CACNA2D3: variants seen among roughly 807,000 people sequenced by gnomAD.
The protein encoded by CACNA2D3 is calcium voltage-gated channel auxiliary subunit alpha2delta 3, also known as voltage-dependent calcium channel subunit alpha-2/delta-3.
A neutral mutation model predicts 160.6 loss-of-function variants in CACNA2D3; 60 were observed. The ratio of observed to expected loss-of-function variants is 0.37; its 90% CI spans 0.30 to 0.46. The LOEUF (loss-of-function observed/expected upper bound fraction) is 0.46. CACNA2D3 is among the 20% of genes least tolerant of loss of function. The pLI is 1.00. For synonymous variants in CACNA2D3, 558 were observed against 492.9 expected (o/e 1.13, Z -1.75); for missense variants, 1,205 against 1,365.0 (o/e 0.88, Z 1.85).
At chr3:54,532,791 A>C (rs1395920381) in intron 5 of CACNA2D3, among the ~76,000 whole-genome samples, 1 of 151,976 alleles carries the variant, frequency 6.6e-6, no homozygotes, top group Admixed American at 6.6e-5. Context: ...TGATATACTG[A>C]CTTCTTTTCC....
intron 19 of CACNA2D3, 49 bp downstream of exon 19, chr3:54,879,138 G>A: frequency 8.0e-7 from 1 of 1,247,822 alleles, no homozygotes; most frequent in Non-Finnish European, 1.1e-6. Context: ...ACAAACCACT[G>A]TGAAAAATTA....
chr3:54,747,269 T>G (rs1442738380), intron 11 of CACNA2D3, among the ~76,000 whole-genome samples: 2 of 152,096 alleles, frequency 1.3e-5, no homozygotes, highest in Admixed American at 6.6e-5. Context: ...ACCTTCAACA[T>G]GTGATTCAAG....
In CACNA2D3 at chr3:54,962,153, A is replaced by G. The variant is rs562498466; in HGVS notation, c.2450-6297A>G. ...CCTCTTAAAAGTGCCACCTCTTAAT[A>G]CTGCTGCATTAGAGATCAAATTTTA... is the stretch of plus-strand genomic sequence containing the variant. On this transcript the variant is annotated intron_variant, in intron 27 of 37. Coordinates refer to ENST00000474759, the MANE Select transcript of CACNA2D3 (RefSeq NM_018398.3). 7.2e-5 allele frequency among the ~76,000 whole-genome samples: 11 copies of G among 152,292 alleles called. No homozygotes were observed. In the East Asian group the frequency reaches 2.1e-3, roughly 29 times the overall value.
chr3:54,141,061 C>CTGTGTGTGTGTGTGTGTGTGTGTG (rs55833247), intron 2 of CACNA2D3, among the ~76,000 whole-genome samples: 1,354 of 129,284 alleles, frequency 0.01, 34 homozygotes, highest in East Asian at 0.056. Context: ...CAGGTGAAAC[C>CTGTGTGTGTGTGTGTGTGTGTGTG]TGTGTGTGTG....
intron 11 of CACNA2D3, among the ~76,000 whole-genome samples, chr3:54,738,620 A>G (rs560090138): frequency 1.3e-5 from 2 of 152,264 alleles, no homozygotes; most frequent in South Asian, 4.1e-4. Context: ...CTTGGTTTGC[A>G]TTTCCCTGAT....
At chr3:54,901,513 A>G (rs17319169) in intron 27 of CACNA2D3, among the ~76,000 whole-genome samples, 17,247 of 152,156 alleles carry the variant, frequency 0.11, 1,101 homozygotes, top group African/African-American at 0.15. Context: ...ATGCTATGCC[A>G]GTCTATTGTC....
At chr3:54,898,064 CGCTT>C (rs10660896) in intron 26 of CACNA2D3, among the ~76,000 whole-genome samples, 21 of 151,210 alleles carry the variant, frequency 1.4e-4, no homozygotes, top group South Asian at 2.1e-4. Context: ...GTCCGAAGCT[CGCTT>C]GCTTGCTTGC....
At chr3:54,902,934 A>G (rs916040612) in intron 27 of CACNA2D3, among the ~76,000 whole-genome samples, 16 of 152,246 alleles carry the variant, frequency 1.1e-4, no homozygotes, top group African/African-American at 3.9e-4. Context: ...TTCATTCAAT[A>G]AATAAATATT....
At chr3:54,867,084 C>T (rs1197864190) in intron 17 of CACNA2D3, among the ~76,000 whole-genome samples, 1 of 152,172 alleles carries the variant, frequency 6.6e-6, no homozygotes, top group East Asian at 1.9e-4. Context: ...AAGGAAGTTA[C>T]AGATTATAGA....
At chr3:55,018,648 C>T (rs1206763350) in intron 35 of CACNA2D3, among the ~76,000 whole-genome samples, 1 of 151,486 alleles carries the variant, frequency 6.6e-6, no homozygotes, top group Non-Finnish European at 1.5e-5. Context: ...AATGTCCTTA[C>T]GTATCTTTAC....
intron 35 of CACNA2D3, among the ~76,000 whole-genome samples, chr3:55,025,625 C>T (rs1461231609): frequency 1.7e-5 from 2 of 115,186 alleles, no homozygotes; most frequent in East Asian, 2.8e-4. Context: ...CAGAATGAGA[C>T]TCTATCTCCA....
At chr3:54,967,315 CACA>C (rs1199603998) in intron 27 of CACNA2D3, among the ~76,000 whole-genome samples, 1 of 152,152 alleles carries the variant, frequency 6.6e-6, no homozygotes, top group African/African-American at 2.4e-5. Context: ...CTGAAGCCAG[CACA>C]ACAATGATTA....
At chr3:54,650,201 T>TTTTGTTTGTTTG (rs60967814) in intron 11 of CACNA2D3, among the ~76,000 whole-genome samples, 120,813 of 151,142 alleles carry the variant, frequency 0.8, 50,422 homozygotes, top group Non-Finnish European at 0.93. Flanking sequence ...TGTTTTTTGT[T>TTTTGTTTGTTTG]TTTGTTTGTT....
At chr3:54,295,206 G>C (rs1703313140) in intron 2 of CACNA2D3, among the ~76,000 whole-genome samples, 1 of 152,150 alleles carries the variant, frequency 6.6e-6, no homozygotes, top group Non-Finnish European at 1.5e-5. Context: ...AGGTGGTGAG[G>C]TGTGCTTTTT....
chr3:55,055,015 C>G (rs369716494), intron 35 of CACNA2D3, among the ~76,000 whole-genome samples: 92 of 152,030 alleles, frequency 6.1e-4, no homozygotes, highest in Admixed American at 1.3e-3. Context: ...AGAACTGATA[C>G]ACAGGTGTTA....
chr3:54,900,078 C>A (rs1700291330), intron 27 of CACNA2D3, among the ~76,000 whole-genome samples: 1 of 152,180 alleles, frequency 6.6e-6, no homozygotes, highest in African/African-American at 2.4e-5. Flanking sequence ...AGAAAACTTT[C>A]CCAGCGTTTC....
intron 10 of CACNA2D3, chr3:54,632,286 T>G (rs1699257435): frequency 6.6e-6 from 1 of 152,222 alleles, no homozygotes; most frequent in African/African-American, 2.4e-5. Flanking sequence ...GATATCTTCT[T>G]TTTTCCTCTC....
chr3:54,975,538 A>AC (rs1702370134), intron 29 of CACNA2D3, among the ~76,000 whole-genome samples: 3 of 136,214 alleles, frequency 2.2e-5, no homozygotes, highest in African/African-American at 5.2e-5. Flanking sequence ...AAAAAAAAAA[A>AC]AAAAAAAAAC....
chr3:54,686,191 C>A (rs992255552), intron 11 of CACNA2D3, among the ~76,000 whole-genome samples: 1 of 152,208 alleles, frequency 6.6e-6, no homozygotes, highest in African/African-American at 2.4e-5. Context: ...TTTATTGGAA[C>A]ACAGCCATGC....
Sources: gnomAD v4.1 joint callset for allele counts (sites outside exome capture counted in the v4.1 genomes callset) on GRCh38, gnomAD v4.1.1 for gene constraint, MANE v1.5 for transcripts, NCBI Gene and HGNC (gene_info 2026-07-23, HGNC 2026-07-21) for gene names.